The following CCT2 variants were observed in gnomAD, a reference collection of about 807,000 sequenced individuals.
The protein encoded by CCT2 is chaperonin containing TCP1 subunit 2.
In CCT2, 18 loss-of-function variants were observed where a neutral mutation model predicts 61.8. The observed-to-expected ratio is 0.29, with a 90% confidence interval of 0.20 to 0.43. CCT2 has a LOEUF of 0.43. Among genes scored for constraint, CCT2 ranks in the 20% least tolerant of loss-of-function variants. The pLI, the probability that CCT2 is intolerant of heterozygous loss-of-function variation, is 1.00. For missense variants in CCT2, 556 were observed against 656.9 expected (o/e 0.85, Z 1.68); for synonymous variants, 248 against 215.9 (o/e 1.15, Z -1.30).
chr12:69,596,243 TATG>T (rs66471750), intron 10 of CCT2, among the ~76,000 whole-genome samples: 27,655 of 152,088 alleles, frequency 0.18, 2,746 homozygotes, highest in Middle Eastern at 0.29. Context: ...TTATACAAAT[TATG>T]AGTATAAATT....
Position 69,597,646 on chromosome 12 carries a change from T to G in CCT2, c.1111T>G (p.Cys371Gly), listed in dbSNP as rs748999129. 6.2e-7 allele frequency: 1 copy of G among 1,613,550 alleles called. No homozygotes were observed. Among genetic ancestry groups the G allele is most frequent in the African/African-American group, 1.3e-5 (1 of 75,032 alleles). ...HFSGVALGEA[C>G]TIVLRGATQQ... ...GTGTCTTTTAATTTTAGGTGAGGCT[T>G]GTACCATTGTTTTGCGTGGTGCCAC... Residue 371 changes from cysteine (C) to glycine (G), a missense_variant, in exon 12 of 16, where the codon TGT becomes GGT. By Grantham distance (159) the Cys-to-Gly change is radical. Coordinates refer to ENST00000299300, the MANE Select transcript of CCT2 (RefSeq NM_006431.3).
At chr12:69,600,149 T>A in intron 15 of CCT2, 145 bp downstream of exon 15, 1 of 799,012 alleles carries the variant, frequency 1.3e-6, no homozygotes, top group Non-Finnish European at 1.9e-6. Flanking sequence ...TCACAACTCT[T>A]AACACTTAAG....
chr12:69,587,743 G>C (rs750370364), intron 4 of CCT2, 127 bp downstream of exon 4: 2 of 742,586 alleles, frequency 2.7e-6, no homozygotes, highest in Non-Finnish European at 4.5e-6. Context: ...GTTAATTATC[G>C]TTGTTAAAAT....
At chr12:69,592,914 C>A (rs1201532593) in intron 8 of CCT2, 62 bp from the exon 9 acceptor site, 1 of 1,532,500 alleles carries the variant, frequency 6.5e-7, no homozygotes, top group Non-Finnish European at 8.9e-7. Flanking sequence ...GGCAACAGAG[C>A]GAGACTCAAT....
intron 14 of CCT2, 95 bp downstream of exon 14, chr12:69,598,516 C>A (rs568594268): frequency 6.0e-6 from 4 of 664,892 alleles, no homozygotes; most frequent in Admixed American, 3.4e-5. Context: ...TTACAATAAC[C>A]GTATAAAAGA....
intron 7 of CCT2, among the ~76,000 whole-genome samples, chr12:69,591,176 T>C (rs1284614006): frequency 6.6e-6 from 1 of 152,096 alleles, no homozygotes; most frequent in East Asian, 1.9e-4. Context: ...TGAGTGAGGA[T>C]TAGGTTCACT....
At chr12:69,588,991 C>T (rs143978253) in intron 6 of CCT2, among the ~76,000 whole-genome samples, 164 of 152,348 alleles carry the variant, frequency 1.1e-3, no homozygotes, top group African/African-American at 3.8e-3. Flanking sequence ...TGCAGTGGCA[C>T]GACTTCGGCT....
intron 6 of CCT2, 195 bp downstream of exon 6, chr12:69,588,457 T>A: frequency 1.9e-6 from 1 of 539,822 alleles, no homozygotes; most frequent in Non-Finnish European, 3.3e-6. Flanking sequence ...TCTTTTTGTA[T>A]ATATCATCAA....
intron 8 of CCT2, 154 bp downstream of exon 8, chr12:69,592,313 T>TAAA: frequency 5.9e-6 from 2 of 339,392 alleles, no homozygotes; most frequent in East Asian, 4.8e-5. Context: ...CTGTCTCTAC[T>TAAA]AAAAAAAAAA....
intron 10 of CCT2, among the ~76,000 whole-genome samples, chr12:69,595,504 A>G (rs183381688): frequency 3.5e-4 from 53 of 152,242 alleles, no homozygotes; most frequent in East Asian, 1.9e-3. Flanking sequence ...CCTGGTCAAT[A>G]TGGTGAAACC....
intron 11 of CCT2, 63 bp downstream of exon 11, chr12:69,597,338 A>C: frequency 6.4e-7 from 1 of 1,570,292 alleles, no homozygotes; most frequent in Non-Finnish European, 8.7e-7. Context: ...GTTGAAGTAA[A>C]GGTTATTGTA....
chr12:69,596,650 A>G (rs887650512), intron 10 of CCT2, among the ~76,000 whole-genome samples: 1 of 152,218 alleles, frequency 6.6e-6, no homozygotes, highest in Non-Finnish European at 1.5e-5. Flanking sequence ...TAAGCAGTTC[A>G]TGAAGTGTAT....
At chr12:69,591,201 A>T (rs1779518098) in intron 7 of CCT2, among the ~76,000 whole-genome samples, 1 of 152,160 alleles carries the variant, frequency 6.6e-6, no homozygotes, top group African/African-American at 2.4e-5. Flanking sequence ...TAGAGTAGAA[A>T]ACCCAAGATA....
rs765659165 is a variant in CCT2, at chr12:69,592,989, G to A, written c.764G>A (p.Arg255Gln). Residue 255 changes from arginine (R) to glutamine (Q), a missense_variant, in exon 9 of 16, where the codon CGG becomes CAG. Arg to Gln is a conservative substitution (Grantham distance 43). Transcript: ENST00000299300. ...DTDKIKIFGS[R>Q]VRVDSTAKVA... ...CGTTTGTCTTAGATATTTGGTTCCC[G>A]GGTAAGAGTTGACTCTACAGCAAAG... 4.6e-5 allele frequency: 74 copies of A among 1,612,222 alleles called. No homozygotes were observed. Among genetic ancestry groups the A allele is most frequent in the Non-Finnish European group, 5.8e-5 (68 of 1,179,498 alleles).
chr12:69,599,722 T>G, intron 14 of CCT2, 141 bp from the exon 15 acceptor site: 1 of 594,026 alleles, frequency 1.7e-6, no homozygotes, highest in Non-Finnish European at 2.7e-6. Context: ...TTTGAGCTCA[T>G]TTGTAGGCTT....
At chr12:69,595,754 C>G (rs971841328) in intron 10 of CCT2, among the ~76,000 whole-genome samples, 4 of 150,806 alleles carry the variant, frequency 2.7e-5, no homozygotes, top group African/African-American at 9.8e-5. Context: ...ATAAACATAT[C>G]GTAAGGTCTT....
chr12:69,593,367 C>CT (rs1334223446), intron 9 of CCT2, 143 bp from the exon 10 acceptor site: 5 of 635,606 alleles, frequency 7.9e-6, no homozygotes, highest in Admixed American at 6.1e-5. Context: ...TTGATAAACT[C>CT]TAATTATATA....
Position 69,587,486 on chromosome 12 carries a change from C to A in CCT2, c.145-19C>A, listed in dbSNP as rs77151347. 2.2e-3 allele frequency: 3,070 copies of A among 1,424,804 alleles called. 73 individuals are homozygous for A. Among genetic ancestry groups the A allele is most frequent in the Non-Finnish European group, 2.3e-4 (230 of 1,008,156 alleles). 88.3% of individuals were successfully genotyped at this position (1,424,804 alleles called of 1,614,324 possible). On this transcript the variant is annotated intron_variant, in intron 3 of 15. Transcript: ENST00000299300. ...AGATGTGCTTATGTCTTAACTTGAA[C>A]CAATTATGTTCCCTTTAGGACAAAA...
At chr12:69,592,913 GC>G in intron 8 of CCT2, 62 bp from the exon 9 acceptor site, 1 of 1,536,708 alleles carries the variant, frequency 6.5e-7, no homozygotes. Context: ...GGGCAACAGA[GC>G]GAGACTCAAT....
Sources: allele counts gnomAD v4.1 joint callset (sites outside exome capture counted in the v4.1 genomes callset), GRCh38; gene constraint gnomAD v4.1.1; transcripts MANE v1.5; gene names NCBI Gene and HGNC (gene_info 2026-07-23, HGNC 2026-07-21).